Variants in BRAF observed in about 807,000 individuals in gnomAD.
BRAF encodes the protein serine/threonine-protein kinase B-raf.
In BRAF, 16 loss-of-function variants were observed where a neutral mutation model predicts 104.6. The observed-to-expected ratio is 0.15, with a 90% CI of 0.10 to 0.23. The LOEUF is 0.23. Ranked by LOEUF, BRAF falls within the 10% of genes least tolerant of loss-of-function variation. The pLI, the probability that BRAF is intolerant of heterozygous loss-of-function variation, is 1.00. For missense variants in BRAF, 541 were observed against 937.3 expected (o/e 0.58, Z 5.52); for synonymous variants, 310 against 341.6 (o/e 0.91, Z 1.02).
At chr7:140,860,489 AAG>A (rs1395356535) in intron 1 of BRAF, among the ~76,000 whole-genome samples, 40 of 150,990 alleles carry the variant, frequency 2.6e-4, no homozygotes, top group African/African-American at 9.3e-4. Context: ...AAAGAAAAAA[AAG>A]AAAATTAGTT....
At chr7:140,813,379 T>A (rs887531723) in intron 3 of BRAF, among the ~76,000 whole-genome samples, 6 of 152,066 alleles carry the variant, frequency 3.9e-5, no homozygotes, top group Non-Finnish European at 5.9e-5. Context: ...CAAAAAAAAA[T>A]TGATAACATA....
intron 1 of BRAF, among the ~76,000 whole-genome samples, chr7:140,885,982 G>T (rs142664426): frequency 1.3e-5 from 2 of 152,260 alleles, no homozygotes; most frequent in Non-Finnish European, 2.9e-5. Context: ...TAAGAGTTTA[G>T]GAGAAGACAA....
intron 1 of BRAF, among the ~76,000 whole-genome samples, chr7:140,887,056 C>T (rs1290765856): frequency 6.6e-6 from 1 of 152,088 alleles, no homozygotes; most frequent in Non-Finnish European, 1.5e-5. Flanking sequence ...TCACAACTAC[C>T]CTGTAAGGTA....
intron 3 of BRAF, among the ~76,000 whole-genome samples, chr7:140,820,149 C>G (rs1805323184): frequency 6.6e-6 from 1 of 152,132 alleles, no homozygotes; most frequent in Non-Finnish European, 1.5e-5. Context: ...ACAATACACA[C>G]AGGATTCAAG....
At chr7:140,831,075 T>C (rs1279485155) in intron 3 of BRAF, among the ~76,000 whole-genome samples, 2 of 152,264 alleles carry the variant, frequency 1.3e-5, no homozygotes, top group Non-Finnish European at 2.9e-5. Context: ...GCTCTTAACC[T>C]GTGGGGTCTA....
intron 2 of BRAF, among the ~76,000 whole-genome samples, chr7:140,849,424 A>T (rs1412682890): frequency 6.6e-6 from 1 of 152,060 alleles, no homozygotes; most frequent in Non-Finnish European, 1.5e-5. Context: ...TTTTGGGGAA[A>T]CTCATTCTGG....
intron 7 of BRAF, among the ~76,000 whole-genome samples, chr7:140,795,516 TAA>T (rs2129038965): frequency 6.6e-6 from 1 of 152,082 alleles, no homozygotes; most frequent in South Asian, 2.1e-4. Flanking sequence ...GTTGAGGGAA[TAA>T]AAAGACACTT....
intron 3 of BRAF, among the ~76,000 whole-genome samples, chr7:140,810,228 C>A (rs1302957873): frequency 6.6e-6 from 1 of 152,126 alleles, no homozygotes; most frequent in African/African-American, 2.4e-5. Flanking sequence ...TAATTAGGAT[C>A]TATGACCAGA....
intron 17 of BRAF, among the ~76,000 whole-genome samples, chr7:140,746,489 A>G (rs1797357578): frequency 6.6e-6 from 1 of 152,178 alleles, no homozygotes; most frequent in Non-Finnish European, 1.5e-5. Flanking sequence ...TGATTTTTGA[A>G]GCTGGAAGAA....
chr7:140,721,551 G>C lies in BRAF; in HGVS notation c.*4943C>G, dbSNP rs866323699. 2.7e-6 allele frequency: 4 copies of C among 1,479,282 alleles called. No individual in the cohort carries two copies. The African/African-American group carries it at 5.7e-5, about 21-fold the overall frequency. The allele number at this position is 1,479,282 out of a possible 1,614,324, so 91.6% of individuals were successfully genotyped here. ...CTTACCAGTATTTTTAATTTTACCA[G>C]AGCTAGCAACATGGACCACAGATAT... On this transcript the variant is annotated 3_prime_UTR_variant, in exon 20 of 20. Coordinates refer to ENST00000644969, the MANE Select transcript of BRAF (RefSeq NM_001374258.1).
At chr7:140,850,576 G>T (rs777120911) in intron 1 of BRAF, among the ~76,000 whole-genome samples, 3 of 152,052 alleles carry the variant, frequency 2.0e-5, no homozygotes. Flanking sequence ...AAAACATTAA[G>T]ACATACATAT....
intron 1 of BRAF, among the ~76,000 whole-genome samples, chr7:140,909,221 T>C (rs1271073137): frequency 6.6e-6 from 1 of 150,928 alleles, no homozygotes; most frequent in African/African-American, 2.4e-5. Context: ...AGGTCGGGAG[T>C]TCAAGACAAG....
At chr7:140,884,256 C>A (rs1813268844) in intron 1 of BRAF, 1 of 151,612 alleles carries the variant, frequency 6.6e-6, no homozygotes, top group Non-Finnish European at 1.5e-5. Flanking sequence ...TATAAAAAGA[C>A]TTGCAGTTTT....
At chr7:140,915,076 C>T (rs1817467231) in intron 1 of BRAF, among the ~76,000 whole-genome samples, 1 of 143,498 alleles carries the variant, frequency 7.0e-6, no homozygotes, top group Non-Finnish European at 1.5e-5. Context: ...AAAAACCATA[C>T]CTACTTAAGA....
chr7:140,793,749 C>T (rs1041845943), intron 8 of BRAF, among the ~76,000 whole-genome samples: 2 of 152,136 alleles, frequency 1.3e-5, no homozygotes, highest in African/African-American at 4.8e-5. Context: ...CCTCACCCTC[C>T]AGAGTAGCTG....
chr7:140,728,253 G>T (rs78673840), intron 19 of BRAF, among the ~76,000 whole-genome samples: 2 of 152,146 alleles, frequency 1.3e-5, no homozygotes, highest in Non-Finnish European at 2.9e-5. Flanking sequence ...AGGGTTTAGA[G>T]TGGTCAAGTA....
At chr7:140,820,052 C>T (rs1182250483) in intron 3 of BRAF, among the ~76,000 whole-genome samples, 1 of 152,058 alleles carries the variant, frequency 6.6e-6, no homozygotes, top group African/African-American at 2.4e-5. Flanking sequence ...GCTTAGAACA[C>T]AAGCCATCTT....
chr7:140,895,496 A>C (rs1374138988), intron 1 of BRAF, among the ~76,000 whole-genome samples: 1 of 152,174 alleles, frequency 6.6e-6, no homozygotes, highest in Admixed American at 6.5e-5. Flanking sequence ...TAGTCACCCT[A>C]TACTACTACA....
intron 3 of BRAF, among the ~76,000 whole-genome samples, chr7:140,816,164 T>C (rs780474897): frequency 1.3e-5 from 2 of 152,232 alleles, no homozygotes; most frequent in African/African-American, 2.4e-5. Flanking sequence ...TACTGCTTCC[T>C]ATAGTATTCT....
Sources: allele counts gnomAD v4.1 joint callset (sites outside exome capture counted in the v4.1 genomes callset), GRCh38; gene constraint gnomAD v4.1.1; transcripts MANE v1.5; gene names NCBI Gene and HGNC (gene_info 2026-07-23, HGNC 2026-07-21).